Variants in MYO1H observed in about 807,000 individuals in gnomAD.
MYO1H encodes myosin IH.
In MYO1H, 118 loss-of-function variants were observed where a neutral mutation model predicts 149.3. The ratio of observed to expected loss-of-function variants is 0.79; its 90% confidence interval spans 0.68 to 0.92. MYO1H has a LOEUF of 0.92. MYO1H is among the 40% of genes least tolerant of loss of function. The pLI is 0.00. For missense variants in MYO1H, 1,212 were observed against 1,280.7 expected (o/e 0.95, Z 0.82); for synonymous variants, 447 against 465.2 (o/e 0.96, Z 0.50).
At position 109,443,154 on chromosome 12, in the gene MYO1H, G is replaced by GTGTATATATGTGTACATA. The variant is rs1566045044; in HGVS notation, c.2689-357_2689-356insATATATGTGTACATATGT. ...TATATGTGTGTATATGTGTACGTAT[G>GTGTATATATGTGTACATA]TGTGTGTATATGTGTACGTATGTGT... On this transcript the variant is annotated intron_variant, in intron 27 of 31. Transcript: ENST00000310903. Among the ~76,000 whole-genome samples the GTGTATATATGTGTACATA allele has an allele frequency of 2.7e-4, 14 of 52,352 alleles. 3 individuals carry two copies. The highest frequency in any genetic ancestry group is 9.8e-4 in the African/African-American group (11 of 11,282). 34.3% of individuals were successfully genotyped at this position (52,352 alleles called of 152,430 possible). A position where few individuals can be genotyped will look rare whatever the true frequency, so the allele number is the denominator to read the frequency against.
At chr12:109,411,649 T>G (rs1870677078) in intron 13 of MYO1H, among the ~76,000 whole-genome samples, 1 of 152,044 alleles carries the variant, frequency 6.6e-6, no homozygotes, top group Non-Finnish European at 1.5e-5. Context: ...AGACTTTGAG[T>G]CAGATGGTCA....
the MYO1H span, among the ~76,000 whole-genome samples, chr12:109,338,692 G>A: frequency 1.0e-4 from 15 of 150,510 alleles, no homozygotes; most frequent in Admixed American, 4.7e-4. Flanking sequence ...CACTTGAATC[G>A]GAGGTGGAGG....
intron 15 of MYO1H, 48 bp downstream of exon 15, chr12:109,415,668 G>C: frequency 7.2e-7 from 1 of 1,381,790 alleles, no homozygotes; most frequent in Non-Finnish European, 9.8e-7. Context: ...TGCCCAGCCT[G>C]GTGTCTTACA....
intron 21 of MYO1H, 78 bp downstream of exon 21, chr12:109,435,191 G>A (rs1479710683): frequency 5.3e-6 from 5 of 943,404 alleles, no homozygotes; most frequent in Non-Finnish European, 8.1e-6. Flanking sequence ...TCTTAAACAC[G>A]GGTGTTTGAT....
At chr12:109,347,882 A>C (rs2136990751), upstream of MYO1H, 2 of 399,016 alleles carry the variant, frequency 5.0e-6, no homozygotes, top group Non-Finnish European at 8.8e-6. Context: ...GGCATCACAG[A>C]ATCATAAGTC....
chr12:109,410,134 T>C, intron 12 of MYO1H, 66 bp downstream of exon 12: 1 of 814,594 alleles, frequency 1.2e-6, no homozygotes. Flanking sequence ...TTTTTTTAAT[T>C]TAATTAATTT....
At chr12:109,415,602 G>T in exon 15 of MYO1H, 1 of 1,602,568 alleles carries the variant, frequency 6.2e-7, no homozygotes, top group Non-Finnish European at 8.5e-7. Context: ...TGCAGGAGAG[G>T]TCACATACTG....
rs1566044606 is a variant in MYO1H, at chr12:109,443,012, ATAT to A, written c.2689-501_2689-499del. 5.4e-4 allele frequency among the ~76,000 whole-genome samples: 27 copies of A among 50,182 alleles called. 2 individuals carry two copies. The highest frequency in any genetic ancestry group is 4.0e-3 in the East Asian group (9 of 2,252). 32.9% of individuals were successfully genotyped at this position (50,182 alleles called of 152,430 possible). A position where few individuals can be genotyped will look rare whatever the true frequency, so the allele number is the denominator to read the frequency against. On this transcript the variant is annotated intron_variant, in intron 27 of 31. Coordinates refer to ENST00000310903, the Ensembl canonical transcript of MYO1H. ...AGAGAGCCAGGAAAAAAAAAAAAAT[ATAT>A]ATATATATATATATGTGTGTGTGTG...
intron 3 of MYO1H, 43 bp from the exon 4 acceptor site, chr12:109,396,341 G>C: frequency 6.5e-7 from 1 of 1,527,926 alleles, no homozygotes; most frequent in Non-Finnish European, 8.9e-7. Flanking sequence ...GTCAAGGGAA[G>C]TACCATTAAA....
intron 16 of MYO1H, 46 bp from the exon 17 acceptor site, chr12:109,424,702 G>A (rs1202140653): frequency 6.6e-7 from 1 of 1,516,282 alleles, no homozygotes; most frequent in Non-Finnish European, 9.1e-7. Flanking sequence ...GCCCTGTAGT[G>A]ATTTCTGAAA....
the MYO1H span, among the ~76,000 whole-genome samples, chr12:109,335,812 A>T: frequency 6.6e-6 from 1 of 152,146 alleles, no homozygotes; most frequent in Non-Finnish European, 1.5e-5. Context: ...TTTATTGGCT[A>T]TGTAGATGAC....
At chr12:109,414,461 A>T (rs1870812424) in intron 14 of MYO1H, among the ~76,000 whole-genome samples, 1 of 141,388 alleles carries the variant, frequency 7.1e-6, no homozygotes, top group Non-Finnish European at 1.5e-5. Context: ...TGGGAGACAG[A>T]GTGAGACTCC....
intron 1 of MYO1H, among the ~76,000 whole-genome samples, chr12:109,365,054 T>G (rs1435976093): frequency 1.3e-5 from 2 of 152,176 alleles, no homozygotes; most frequent in African/African-American, 4.8e-5. Flanking sequence ...GAGGATCGCT[T>G]GAGGCTAGGA....
At chr12:109,399,472 G>C (rs1870064149) in intron 5 of MYO1H, among the ~76,000 whole-genome samples, 1 of 151,542 alleles carries the variant, frequency 6.6e-6, no homozygotes, top group African/African-American at 2.4e-5. Flanking sequence ...CACACCTGTA[G>C]TCCCAGCTAC....
In MYO1H at chr12:109,396,471, GA is replaced by G. The variant is rs762062124; in HGVS notation, c.382del (p.Thr128GlnfsTer13). ...TCATTTCTGGAGAGAGTGGGGCAGG[GA>G]AAACAGAGGCCTCCAAGAAAATTCT... On this transcript the variant is annotated frameshift_variant, in exon 4 of 32. Coordinates refer to ENST00000310903, the Ensembl canonical transcript of MYO1H. LOFTEE classifies it high-confidence loss of function. 6.2e-7 allele frequency: 1 copy of G among 1,613,968 alleles called. No homozygotes were observed. The highest frequency in any genetic ancestry group is 1.1e-5 in the South Asian group (1 of 91,070).
the MYO1H span, among the ~76,000 whole-genome samples, chr12:109,323,893 T>C: frequency 2.6e-5 from 4 of 152,016 alleles, no homozygotes; most frequent in Non-Finnish European, 5.9e-5. Context: ...AAGTGTATAA[T>C]GGTTGGTCAG....
intron 1 of MYO1H, among the ~76,000 whole-genome samples, chr12:109,358,610 G>A (rs1409856457): frequency 2.6e-5 from 4 of 152,022 alleles, no homozygotes; most frequent in Admixed American, 6.5e-5. Flanking sequence ...CAATGTTTTC[G>A]AAAGGCTTTT....
At chr12:109,442,108 A>C (rs1256091166) in intron 26 of MYO1H, 109 bp from the exon 27 acceptor site, 9 of 887,948 alleles carry the variant, frequency 1.0e-5, no homozygotes, top group Non-Finnish European at 1.7e-5. Context: ...CTATTTCCCC[A>C]CCTGAGATCT....
upstream of MYO1H, among the ~76,000 whole-genome samples, chr12:109,343,269 T>A (rs2048092382): frequency 6.6e-6 from 1 of 152,164 alleles, no homozygotes; most frequent in South Asian, 2.1e-4. Context: ...AGTTTGTATG[T>A]GCCAGGGGAT....
Sources: allele counts gnomAD v4.1 joint callset (sites outside exome capture counted in the v4.1 genomes callset), GRCh38; gene constraint gnomAD v4.1.1; transcripts MANE v1.5; gene names NCBI Gene and HGNC (gene_info 2026-07-23, HGNC 2026-07-21).